The following CADPS variants were observed in gnomAD, a reference collection of about 807,000 sequenced individuals.
The protein encoded by CADPS is calcium dependent secretion activator.
In CADPS, 57 loss-of-function variants were observed where a neutral mutation model predicts 167.3. The observed-to-expected ratio is 0.34, with a 90% confidence interval of 0.28 to 0.42. The LOEUF (loss-of-function observed/expected upper bound fraction) is 0.42. CADPS is among the 20% of genes least tolerant of loss of function. The pLI, the probability that CADPS is intolerant of heterozygous loss-of-function variation, is 1.00. For synonymous variants in CADPS, 676 were observed against 635.3 expected, an observed-to-expected ratio of 1.06 and a Z score of -0.96; for missense variants, 1,414 against 1,738.1, an observed-to-expected ratio of 0.81 and a Z score of 3.32.
At chr3:62,641,138 T>C (rs145377083) in intron 6 of CADPS, among the ~76,000 whole-genome samples, 1 of 152,300 alleles carries the variant, frequency 6.6e-6, no homozygotes, top group African/African-American at 2.4e-5. Context: ...ATGTCATTGC[T>C]ACAAAAGACA....
chr3:62,419,035 A>G lies in CADPS; in HGVS notation c.3778-15850T>C, dbSNP rs148517137. ...AATCAGGAAAACTCGATTTTGTGAC[A>G]CTTACATAGAAAATTTTTGTAGCAA... On this transcript the variant is annotated intron_variant, in intron 28 of 29. Coordinates refer to ENST00000383710, the MANE Select transcript of CADPS (RefSeq NM_003716.4). Among the ~76,000 whole-genome samples, 3 of 152,314 alleles carry G rather than the reference A, an allele frequency of 2.0e-5. No individual in the cohort carries two copies. In the East Asian group the frequency reaches 5.8e-4, roughly 29 times the overall value.
At chr3:62,574,937 AG>A (rs1396992953) in intron 8 of CADPS, among the ~76,000 whole-genome samples, 1 of 152,230 alleles carries the variant, frequency 6.6e-6, no homozygotes. Flanking sequence ...AATATGTGAA[AG>A]GAAATCTTGG....
At chr3:62,729,112 G>T (rs772016308) in intron 3 of CADPS, among the ~76,000 whole-genome samples, 3 of 151,922 alleles carry the variant, frequency 2.0e-5, no homozygotes, top group Non-Finnish European at 4.4e-5. Context: ...TCTACTTCAA[G>T]TGGGGTGGTG....
intron 1 of CADPS, among the ~76,000 whole-genome samples, chr3:62,866,781 A>G (rs2081774996): frequency 6.6e-6 from 1 of 152,106 alleles, no homozygotes; most frequent in Non-Finnish European, 1.5e-5. Context: ...CATGTACCCC[A>G]TATTAAAGAT....
intron 6 of CADPS, among the ~76,000 whole-genome samples, chr3:62,642,693 G>A (rs2067669056): frequency 6.6e-6 from 1 of 152,234 alleles, no homozygotes; most frequent in Admixed American, 6.5e-5. Context: ...CAGGTCACTT[G>A]AGCCCAAGAG....
chr3:62,868,030 G>A (rs1343971298), intron 1 of CADPS, among the ~76,000 whole-genome samples: 1 of 152,032 alleles, frequency 6.6e-6, no homozygotes, highest in African/African-American at 2.4e-5. Flanking sequence ...TCAATAGCAA[G>A]GGCTAGACTC....
chr3:62,548,435 C>A (rs954551069), intron 11 of CADPS, among the ~76,000 whole-genome samples: 1 of 152,198 alleles, frequency 6.6e-6, no homozygotes, highest in African/African-American at 2.4e-5. Flanking sequence ...ATTATTTACA[C>A]TGTTCCACAA....
At chr3:62,464,927 G>T (rs2059771266) in intron 26 of CADPS, among the ~76,000 whole-genome samples, 1 of 152,126 alleles carries the variant, frequency 6.6e-6, no homozygotes, top group African/African-American at 2.4e-5. Flanking sequence ...AGGCAATTCA[G>T]TTAAGAAGAA....
At chr3:62,776,938 A>G (rs9827723) in intron 1 of CADPS, among the ~76,000 whole-genome samples, 2,510 of 152,258 alleles carry the variant, frequency 0.016, 73 homozygotes, top group African/African-American at 0.056. Flanking sequence ...ACCTTCTTGG[A>G]GGACACAGCA....
At chr3:62,852,659 C>T (rs945399840) in intron 1 of CADPS, among the ~76,000 whole-genome samples, 1 of 151,994 alleles carries the variant, frequency 6.6e-6, no homozygotes, top group East Asian at 1.9e-4. Flanking sequence ...TTTCCTGACA[C>T]CTGTCTCTAC....
intron 28 of CADPS, among the ~76,000 whole-genome samples, chr3:62,423,751 C>T (rs1403009518): frequency 6.6e-6 from 1 of 152,098 alleles, no homozygotes; most frequent in East Asian, 1.9e-4. Context: ...GTACATAGTG[C>T]CCAGTGAATA....
In CADPS at chr3:62,549,915, TA is replaced by T. The variant is rs760049314; in HGVS notation, c.1953del (p.Ile652SerfsTer61). ...CATATTTACTTACAAAATTGAGAGA[TA>T]GGGGCATCCAGCTGAGGTACATTTC... ...KGGNVPQLDA[P>X]ISQFYADRAQ... is the part of the protein sequence containing the mutation. On this transcript the variant is annotated frameshift_variant, in exon 11 of 30. Transcript: ENST00000383710. LOFTEE classifies it high-confidence loss of function. 1 of 1,613,742 alleles carries T rather than the reference TA, an allele frequency of 6.2e-7. No homozygotes were observed. The highest frequency in any genetic ancestry group is 8.5e-7 in the Non-Finnish European group (1 of 1,179,660).
intron 3 of CADPS, among the ~76,000 whole-genome samples, chr3:62,717,125 C>G (rs916558091): frequency 1.3e-5 from 2 of 152,178 alleles, no homozygotes; most frequent in African/African-American, 4.8e-5. Context: ...TCATTCACCT[C>G]TCACTCACTA....
At chr3:62,487,114 G>T (rs2062942629) in intron 21 of CADPS, among the ~76,000 whole-genome samples, 1 of 152,302 alleles carries the variant, frequency 6.6e-6, no homozygotes, top group Non-Finnish European at 1.5e-5. Flanking sequence ...TCTGGCTCTT[G>T]CCTCAGAACA....
intron 8 of CADPS, among the ~76,000 whole-genome samples, chr3:62,572,309 T>C (rs961243740): frequency 3.9e-5 from 6 of 152,096 alleles, no homozygotes; most frequent in Non-Finnish European, 8.8e-5. Context: ...TTTTACCTCC[T>C]GGGGAGTTCC....
chr3:62,400,058 C>G (rs537648155), intron 29 of CADPS, among the ~76,000 whole-genome samples: 3 of 152,186 alleles, frequency 2.0e-5, no homozygotes, highest in Non-Finnish European at 4.4e-5. Context: ...ACTGATATCC[C>G]TCTGTCTCAT....
chr3:62,719,404 C>G (rs1045038204), intron 3 of CADPS, among the ~76,000 whole-genome samples: 24 of 152,158 alleles, frequency 1.6e-4, no homozygotes, highest in African/African-American at 5.6e-4. Context: ...GAGAAAGTAC[C>G]CCTGACCCCA....
intron 1 of CADPS, among the ~76,000 whole-genome samples, chr3:62,772,657 T>C (rs962323082): frequency 9.9e-5 from 15 of 152,224 alleles, no homozygotes; most frequent in African/African-American, 3.6e-4. Flanking sequence ...ACTGTATGTT[T>C]TCTCTTACTG....
rs370296911 is a variant in CADPS, at chr3:62,633,155, T to C, written c.1325+12567A>G. ...CCTCCAGAGGGCATAGTACCACCCTTGGAAAAAGAGCGGACAATGGGAATG... is the reference window on the plus strand; with the variant it reads ...CCTCCAGAGGGCATAGTACCACCCTCGGAAAAAGAGCGGACAATGGGAATG... On this transcript the variant is annotated intron_variant, in intron 6 of 29. Coordinates refer to ENST00000383710, the MANE Select transcript of CADPS (RefSeq NM_003716.4). Among the ~76,000 whole-genome samples, 17 of 152,280 alleles carry C rather than the reference T, an allele frequency of 1.1e-4. No individual in the cohort carries two copies. In the East Asian group the frequency reaches 3.3e-3, roughly 29 times the overall value.
Sources: allele counts gnomAD v4.1 joint callset (sites outside exome capture counted in the v4.1 genomes callset), GRCh38; gene constraint gnomAD v4.1.1; transcripts MANE v1.5; gene names NCBI Gene and HGNC (gene_info 2026-07-23, HGNC 2026-07-21).